POFUT2: variants seen among roughly 807,000 people sequenced by gnomAD.
POFUT2 encodes protein O-fucosyltransferase 2, also known as GDP-fucose protein O-fucosyltransferase 2.
A neutral mutation model predicts 55.0 loss-of-function variants in POFUT2; 30 were observed. The observed-to-expected ratio is 0.55, with a 90% confidence interval of 0.41 to 0.74. POFUT2 has a LOEUF of 0.74. POFUT2 is among the 30% of genes least tolerant of loss of function. The probability of loss-of-function intolerance (pLI) is 0.00; values close to 1 mark genes in which losing one functional copy is unlikely to be tolerated. For synonymous variants in POFUT2, 267 were observed against 231.1 expected (o/e 1.16, Z -1.41); for missense variants, 524 against 562.6 (o/e 0.93, Z 0.69).
Position 45,265,723 on chromosome 21 carries a change from G to A in POFUT2, c.1137-88C>T. ...AGGGAGAACTGAGAGGAGCAGCTGA[G>A]TGAAATGAGTTCCACAGTTACATGG... On this transcript the variant is annotated intron_variant, in intron 8 of 8. Coordinates refer to ENST00000349485, the MANE Select transcript of POFUT2 (RefSeq NM_133635.6). The surrounding 1 kb of genome is among the most constrained non-coding windows in gnomAD (Gnocchi z 4.6). 2 of 1,520,620 alleles carry A rather than the reference G, an allele frequency of 1.3e-6. No homozygotes were observed. The highest frequency in any genetic ancestry group is 2.1e-5 in the Admixed American group (1 of 47,080). The allele number at this position is 1,520,620 out of a possible 1,614,324, so 94.2% of individuals were successfully genotyped here.
intron 6 of POFUT2, among the ~76,000 whole-genome samples, chr21:45,274,669 C>T (rs1411088219): frequency 6.6e-6 from 1 of 152,140 alleles, no homozygotes; most frequent in African/African-American, 2.4e-5. Context: ...TACTTACAGC[C>T]AACTGATCTT....
chr21:45,268,674 G>A (rs1395962388), intron 7 of POFUT2, among the ~76,000 whole-genome samples: 5 of 136,612 alleles, frequency 3.7e-5, no homozygotes, highest in East Asian at 4.6e-4. Context: ...GCCTGGCCAC[G>A]ACCCCGTCTG....
rs570038119 is a variant in POFUT2 at position 45,284,704 on chromosome 21, A to G, written c.382+974T>C. Among the ~76,000 whole-genome samples the G allele has an allele frequency of 6.6e-6, 1 of 152,328 alleles. No homozygotes were observed. The highest frequency in any genetic ancestry group is 2.4e-5 in the African/African-American group (1 of 41,574). The stretch of plus-strand genomic sequence containing the variant: ...AGCATCTCTGGGTTCCTATAACCCA[A>G]TGTTCAGACCGAGGGCTGGCTGCTA... On this transcript the variant is annotated intron_variant, in intron 2 of 8. Transcript: ENST00000349485. The surrounding 1 kb of genome is among the most constrained non-coding windows in gnomAD (Gnocchi z 5.8).
At chr21:45,271,361 G>C (rs2093218510) in intron 6 of POFUT2, among the ~76,000 whole-genome samples, 1 of 151,990 alleles carries the variant, frequency 6.6e-6, no homozygotes, top group Non-Finnish European at 1.5e-5. Context: ...AAAAAGAATA[G>C]TAAAAAAAAT....
intron 1 of POFUT2, among the ~76,000 whole-genome samples, chr21:45,286,911 G>A (rs951356237): frequency 2.0e-5 from 3 of 152,186 alleles, no homozygotes; most frequent in African/African-American, 7.2e-5. Context: ...AGCTCGTCTT[G>A]GCCCTGAGAA....
Position 45,284,806 on chromosome 21 carries a change from C to T in POFUT2, c.382+872G>A, listed in dbSNP as rs915523576. ...ATTTTAAAGTCAACTCAGGAAAGGA[C>T]GCACTCCAGGAATGCTTTTTACAAG... is the stretch of plus-strand genomic sequence containing the variant. On this transcript the variant is annotated intron_variant, in intron 2 of 8. Transcript: ENST00000349485. This position sits in a 1 kb window ranked among gnomAD's most constrained non-coding sequence, Gnocchi z 5.8. 1.6e-4 allele frequency among the ~76,000 whole-genome samples: 24 copies of T among 152,300 alleles called. No individual in the cohort carries two copies. The highest frequency in any genetic ancestry group is 2.6e-4 in the Admixed American group (4 of 15,294).
rs201873438 is a variant in POFUT2, at chr21:45,277,179, C to T, written c.706-37G>A. The T allele has an allele frequency of 3.5e-4, 555 of 1,600,190 alleles. 4 individuals are homozygous for T. The African/African-American group carries it at 6.5e-3, about 19-fold the overall frequency. On this transcript the variant is annotated intron_variant, in intron 5 of 8. Transcript: ENST00000349485. The surrounding 1 kb of genome is among the most constrained non-coding windows in gnomAD (Gnocchi z 6.9). Reference sequence around the variant, plus strand: ...GCGACGGCTCGGCTGAGAACACGCCCGCCCGCCACGCAGCCCTCCCGGAGC... The same window carrying T: ...GCGACGGCTCGGCTGAGAACACGCCTGCCCGCCACGCAGCCCTCCCGGAGC...
Position 45,267,970 on chromosome 21 carries a change from C to T in POFUT2, c.1013-257G>A, listed in dbSNP as rs1386496063. Among the ~76,000 whole-genome samples the T allele has an allele frequency of 2.6e-5, 4 of 151,980 alleles. No individual in the cohort carries two copies. Among genetic ancestry groups the T allele is most frequent in the Non-Finnish European group, 5.9e-5 (4 of 67,970 alleles). On this transcript the variant is annotated intron_variant, in intron 7 of 8. Coordinates refer to ENST00000349485, the MANE Select transcript of POFUT2 (RefSeq NM_133635.6). This position sits in a 1 kb window ranked among gnomAD's most constrained non-coding sequence, Gnocchi z 4.4. ...CAAGAAGAAAGGAAAGAAACGTGCTCCCTCTCCCTCTCCTTCTCCCTCTCC... is the reference window on the plus strand; with the variant it reads ...CAAGAAGAAAGGAAAGAAACGTGCTTCCTCTCCCTCTCCTTCTCCCTCTCC...
Position 45,287,722 on chromosome 21 carries a change from A to G in POFUT2, c.131+19T>C. ...CCGGTCCTGGAACCCCAGCGTTGGC[A>G]CCGTGGACGCGCGTTTACCGTCTGC... On this transcript the variant is annotated intron_variant, in intron 1 of 8. Coordinates refer to ENST00000349485, the MANE Select transcript of POFUT2 (RefSeq NM_133635.6). 1.5e-5 allele frequency: 17 copies of G among 1,162,218 alleles called. No homozygotes were observed. Among genetic ancestry groups the G allele is most frequent in the Non-Finnish European group, 1.8e-5 (17 of 923,786 alleles). 72.0% of individuals were successfully genotyped at this position (1,162,218 alleles called of 1,614,324 possible).
At position 45,285,416 on chromosome 21, in the gene POFUT2, G is replaced by C; in HGVS notation, c.382+262C>G. 2.0e-6 allele frequency: 1 copy of C among 488,128 alleles called. No homozygotes were observed. The highest frequency in any genetic ancestry group is 3.9e-6 in the Non-Finnish European group (1 of 257,090). 30.2% of individuals were successfully genotyped at this position (488,128 alleles called of 1,614,324 possible). On this transcript the variant is annotated intron_variant, in intron 2 of 8. Transcript: ENST00000349485. This position sits in a 1 kb window ranked among gnomAD's most constrained non-coding sequence, Gnocchi z 4.9. Reference sequence around the variant, plus strand: ...GCCGCTTTCTTAGGGTGTAAGGGCGGCTCTAACTGAGGGGGCACAAAGCTC... The same window carrying C: ...GCCGCTTTCTTAGGGTGTAAGGGCGCCTCTAACTGAGGGGGCACAAAGCTC...
chr21:45,266,376 C>T (rs2093154608), intron 8 of POFUT2: 1 of 1,259,244 alleles, frequency 7.9e-7, no homozygotes, highest in South Asian at 1.3e-5. Flanking sequence ...CCACCCCACA[C>T]ACAGGGGCCT....
chr21:45,282,349 C>A lies in POFUT2; in HGVS notation c.638G>T (p.Arg213Leu). The A allele has an allele frequency of 6.2e-7, 1 of 1,602,280 alleles. No individual in the cohort carries two copies. Among genetic ancestry groups the A allele is most frequent in the Non-Finnish European group, 8.5e-7 (1 of 1,170,116 alleles). ...APLLLRNTSA[R>L]SVMLDRAENL... is the part of the protein sequence containing the mutation. ...CTCCCGGGGGGCCTGGGGCACTCAC[C>A]GGGCTGATGTGTTTCTCAGCAGCAG... The change falls in exon 4 of 9, where the codon CGG becomes CTG. Residue 213 changes from arginine to leucine, a missense_variant and splice_region_variant. Arg to Leu is a moderately radical substitution (Grantham distance 102, BLOSUM62 -2). This residue lies in a region of POFUT2 where 250 missense variants were observed against 318.2 expected (regional missense o/e 0.79). Coordinates refer to ENST00000349485, the MANE Select transcript of POFUT2 (RefSeq NM_133635.6). This position sits in a 1 kb window ranked among gnomAD's most constrained non-coding sequence, Gnocchi z 4.6.
At chr21:45,279,682 T>C (rs1448512635) in intron 4 of POFUT2, among the ~76,000 whole-genome samples, 1 of 152,180 alleles carries the variant, frequency 6.6e-6, no homozygotes, top group Non-Finnish European at 1.5e-5. Flanking sequence ...AGCCATCCTC[T>C]TCTGGGTGGC....
rs1212341554 is a variant in POFUT2, at chr21:45,282,691, GC to G, written c.528-233del. ...GAGGCTTTCCCCATGATAGGGGCTG[GC>G]GGGATGGCCGGGGAGGCAGAGGGAG... is the stretch of plus-strand genomic sequence containing the variant. On this transcript the variant is annotated intron_variant, in intron 3 of 8. Coordinates refer to ENST00000349485, the MANE Select transcript of POFUT2 (RefSeq NM_133635.6). The surrounding 1 kb of genome is among the most constrained non-coding windows in gnomAD (Gnocchi z 4.6). The G allele has an allele frequency of 1.1e-4, 61 of 568,942 alleles. No individual in the cohort carries two copies. The Admixed American group carries it at 1.5e-3, about 14-fold the overall frequency. The allele number at this position is 568,942 out of a possible 1,614,324, so 35.2% of individuals were successfully genotyped here.
In POFUT2 at chr21:45,277,006, AG is replaced by A; in HGVS notation, c.831+10del. 6.2e-7 allele frequency: 1 copy of A among 1,613,588 alleles called. No homozygotes were observed. Among genetic ancestry groups the A allele is most frequent in the Non-Finnish European group, 8.5e-7 (1 of 1,179,652 alleles). ...ACCTTTTCTCTAATTAACAAAAGGG[AG>A]GGGGGCTACCTTCATCTTCATCCAG... On this transcript the variant is annotated intron_variant, in intron 6 of 8. Coordinates refer to ENST00000349485, the MANE Select transcript of POFUT2 (RefSeq NM_133635.6). This position sits in a 1 kb window ranked among gnomAD's most constrained non-coding sequence, Gnocchi z 6.9.
rs1448875669 is a variant in POFUT2, at chr21:45,265,915, C to T, written c.1137-280G>A. ...CCACGCTCCTGTCCCACCGCATGTC[C>T]CCCTGGGAGCCCTCCTCTCCGTCAC... On this transcript the variant is annotated intron_variant, in intron 8 of 8. Coordinates refer to ENST00000349485, the MANE Select transcript of POFUT2 (RefSeq NM_133635.6). This position sits in a 1 kb window ranked among gnomAD's most constrained non-coding sequence, Gnocchi z 4.6. 2 of 1,296,762 alleles carry T rather than the reference C, an allele frequency of 1.5e-6. No individual in the cohort carries two copies. The highest frequency in any genetic ancestry group is 2.0e-6 in the Non-Finnish European group (2 of 1,010,976). 80.3% of individuals were successfully genotyped at this position (1,296,762 alleles called of 1,614,324 possible).
chr21:45,287,204 C>CCCCTGCCCCTGCCCCTGT (rs2031519771), intron 1 of POFUT2, among the ~76,000 whole-genome samples: 1 of 135,978 alleles, frequency 7.4e-6, no homozygotes, highest in Non-Finnish European at 1.6e-5. Context: ...CCGGCCCCTG[C>CCCCTGCCCCTGCCCCTGT]CCCTGCCCCT....
chr21:45,277,349 G>A lies in POFUT2; in HGVS notation c.706-207C>T, dbSNP rs373732198. 5.7e-4 allele frequency: 347 copies of A among 604,208 alleles called. 4 individuals carry two copies. In the East Asian group the frequency reaches 9.9e-3, roughly 17 times the overall value. 37.4% of individuals were successfully genotyped at this position (604,208 alleles called of 1,614,324 possible). On this transcript the variant is annotated intron_variant, in intron 5 of 8. Transcript: ENST00000349485. This position sits in a 1 kb window ranked among gnomAD's most constrained non-coding sequence, Gnocchi z 6.9. ...GCATGAAGCCAACGCAGGGCAAGCC[G>A]CCCACCCCTGCCGGCTCTGCCAGCC...
In POFUT2 at chr21:45,277,232, C is replaced by T. The variant is rs1408227673; in HGVS notation, c.706-90G>A. The T allele has an allele frequency of 4.6e-6, 7 of 1,511,912 alleles. No homozygotes were observed. Among genetic ancestry groups the T allele is most frequent in the Non-Finnish European group, 3.6e-6 (4 of 1,120,706 alleles). 93.7% of individuals were successfully genotyped at this position (1,511,912 alleles called of 1,614,324 possible). ...GTTCTCCTGTCGCTGCCACCACCCA[C>T]CCCCGCAGCTGGAACAAGCCCCTCA... On this transcript the variant is annotated intron_variant, in intron 5 of 8. Coordinates refer to ENST00000349485, the MANE Select transcript of POFUT2 (RefSeq NM_133635.6). The surrounding 1 kb of genome is among the most constrained non-coding windows in gnomAD (Gnocchi z 6.9).
Sources: gnomAD v4.1 joint callset for allele counts (sites outside exome capture counted in the v4.1 genomes callset) on GRCh38, gnomAD v4.1.1 for gene constraint, gnomAD v4.1.1 regional missense constraint, Gnocchi (gnomAD v3.1) non-coding constraint, MANE v1.5 for transcripts, NCBI Gene and HGNC (gene_info 2026-07-23, HGNC 2026-07-21) for gene names.